The following INCENP variants were observed in gnomAD, a reference collection of about 807,000 sequenced individuals.
INCENP encodes binds and activates aurora-B and -C in vivo and in vitro.
In INCENP, 43 loss-of-function variants were observed where a neutral mutation model predicts 107.3. The observed-to-expected ratio is 0.40, with a 90% confidence interval of 0.31 to 0.52. The LOEUF (loss-of-function observed/expected upper bound fraction) is 0.52, where lower values mean the gene tolerates loss of function less well. INCENP is among the 20% of genes least tolerant of loss of function. INCENP has a pLI of 0.53. For missense variants in INCENP, 1,089 were observed against 1,250.9 expected (o/e 0.87, Z 1.95); for synonymous variants, 488 against 494.4 (o/e 0.99, Z 0.17).
intron 15 of INCENP, among the ~76,000 whole-genome samples, chr11:62,147,621 G>A (rs532905657): frequency 6.6e-6 from 1 of 152,310 alleles, no homozygotes; most frequent in South Asian, 2.1e-4. Context: ...CCCCGTAGCT[G>A]TTCCCTCTCC....
chr11:62,145,635 G>T lies in INCENP; in HGVS notation c.1843G>T (p.Glu615Ter). 1 of 1,594,228 alleles carries T rather than the reference G, an allele frequency of 6.3e-7. No homozygotes were observed. The highest frequency in any genetic ancestry group is 2.3e-5 in the East Asian group (1 of 43,942). The change falls in exon 14 of 19, where the codon GAG (glutamate) becomes TAG (stop). Residue 615 changes from glutamate to a stop codon, truncating the protein, a stop_gained. Coordinates refer to ENST00000394818, the MANE Select transcript of INCENP (RefSeq NM_001040694.2). LOFTEE classifies it high-confidence loss of function. Reference protein sequence around the residue: ...QIDEKTEKAKEERLAEEKAKK... With the variant: ...QIDEKTEKAK ...GTGTGGGTGGGCTCTGCAGGCCAAGGAGGAGCGGCTGGCAGAGGAGAAGGC... is the reference window on the plus strand; with the variant it reads ...GTGTGGGTGGGCTCTGCAGGCCAAGTAGGAGCGGCTGGCAGAGGAGAAGGC...
At chr11:62,141,693 C>A in intron 11 of INCENP, 182 bp downstream of exon 11, 1 of 786,496 alleles carries the variant, frequency 1.3e-6, no homozygotes, top group South Asian at 1.6e-5. Flanking sequence ...AGTTCTGGGC[C>A]CCAGCGTCCT....
In INCENP at chr11:62,138,950, A is replaced by G. The variant is rs1365863946; in HGVS notation, c.1236A>G (p.Thr412=). ...PHNDTEIANS[T]PNPKPAASSP... Reference sequence around the variant, plus strand: ...ATGACACGGAGATTGCCAACAGCACACCCAACCCGAAGCCTGCAGCCAGCA... The same window carrying G: ...ATGACACGGAGATTGCCAACAGCACGCCCAACCCGAAGCCTGCAGCCAGCA... The change falls in exon 7 of 19, where the codon ACA becomes ACG. Residue 412 remains threonine (T), a synonymous_variant. Coordinates refer to ENST00000394818, the MANE Select transcript of INCENP (RefSeq NM_001040694.2). The G allele has an allele frequency of 1.9e-6, 3 of 1,614,078 alleles. No individual in the cohort carries two copies. Among genetic ancestry groups the G allele is most frequent in the African/African-American group, 1.3e-5 (1 of 75,046 alleles).
Position 62,137,852 on chromosome 11 carries a change from C to T in INCENP, c.1084C>T (p.Leu362Phe). The change falls in exon 5 of 19, where the codon CTC (leucine) becomes TTC (phenylalanine). Residue 362 changes from leucine (L) to phenylalanine (F), a missense_variant. By Grantham distance (22) the Leu-to-Phe change is conservative. Coordinates refer to ENST00000394818, the MANE Select transcript of INCENP (RefSeq NM_001040694.2). The stretch of plus-strand genomic sequence containing the variant: ...CTCAGGTCACAGTTACCTGGAGAGG[C>T]TCCTGAATGTTGAGGTGCCCCAGAA... ...RIICHSYLER[L>F]LNVEVPQKVG... 6.2e-7 allele frequency: 1 copy of T among 1,614,170 alleles called. No homozygotes were observed. Among genetic ancestry groups the T allele is most frequent in the South Asian group, 1.1e-5 (1 of 91,090 alleles).
chr11:62,131,095 G>T (rs1488065958), intron 4 of INCENP, among the ~76,000 whole-genome samples: 2 of 152,192 alleles, frequency 1.3e-5, no homozygotes, highest in African/African-American at 2.4e-5. Flanking sequence ...ATCTGGAGGA[G>T]GGAATTATGG....
At chr11:62,133,783 A>T (rs1943937430) in intron 4 of INCENP, among the ~76,000 whole-genome samples, 1 of 152,146 alleles carries the variant, frequency 6.6e-6, no homozygotes, top group African/African-American at 2.4e-5. Flanking sequence ...ATCACCACCC[A>T]TGACTGTCAG....
chr11:62,147,655 G>A (rs1249936029), intron 15 of INCENP, among the ~76,000 whole-genome samples: 2 of 152,136 alleles, frequency 1.3e-5, no homozygotes, highest in Non-Finnish European at 2.9e-5. Context: ...GGGAAACACC[G>A]GGCAGCACGT....
intron 4 of INCENP, among the ~76,000 whole-genome samples, chr11:62,136,896 A>G (rs1221854404): frequency 6.6e-6 from 1 of 152,228 alleles, no homozygotes; most frequent in Non-Finnish European, 1.5e-5. Flanking sequence ...TTTTAGTATC[A>G]TAATTTTAGT....
At chr11:62,151,727 C>T (rs959100942) in intron 18 of INCENP, 35 bp from the exon 19 acceptor site, 1 of 1,578,824 alleles carries the variant, frequency 6.3e-7, no homozygotes, top group Non-Finnish European at 8.7e-7. Flanking sequence ...TCATGGAGAG[C>T]CCCAAGGCAG....
chr11:62,146,523 C>T (rs1405941916), intron 14 of INCENP, 135 bp from the exon 15 acceptor site: 13 of 1,337,336 alleles, frequency 9.7e-6, no homozygotes, highest in African/African-American at 1.5e-5. Flanking sequence ...CTCGGGATGT[C>T]CCACGGCGCC....
intron 18 of INCENP, 130 bp from the exon 19 acceptor site, chr11:62,151,632 G>A (rs1209454913): frequency 5.7e-6 from 4 of 696,366 alleles, no homozygotes; most frequent in East Asian, 5.4e-5. Flanking sequence ...ACAGGCAGGG[G>A]CAGGGCTGAA....
chr11:62,144,641 T>G, intron 11 of INCENP: 1 of 554,750 alleles, frequency 1.8e-6, no homozygotes. Flanking sequence ...AGCTCATCCT[T>G]CATTTTCTTT....
At position 62,145,160 on chromosome 11, in the gene INCENP, GC is replaced by G. The variant is rs1370649854; in HGVS notation, c.1716-5del. ...GTGGGGCTCCCCATGACTATCCTAT[GC>G]CCCGCAGGAAGCGTGAGGAACGCCT... On this transcript the variant is annotated splice_region_variant and splice_polypyrimidine_tract_variant and intron_variant, in intron 12 of 18. Coordinates refer to ENST00000394818, the MANE Select transcript of INCENP (RefSeq NM_001040694.2). The G allele has an allele frequency of 6.2e-7, 1 of 1,614,162 alleles. No individual in the cohort carries two copies.
rs1263607580 is a variant in INCENP, at chr11:62,141,018, A to C, written c.1567A>C (p.Asn523His). ...RSVMKSFIKR[N>H]TPLRMDPKCS... ...CGTCATGAAGTCCTTTATTAAGCGC[A>C]ACACTCCCCTGCGCATGGACCCCAA... The change falls in exon 10 of 19, where the codon AAC (asparagine) becomes CAC (histidine). Residue 523 changes from asparagine (N) to histidine (H), a missense_variant. Asn to His is a moderately conservative substitution (Grantham distance 68, BLOSUM62 1). Transcript: ENST00000394818. 3 of 1,613,886 alleles carry C rather than the reference A, an allele frequency of 1.9e-6. No homozygotes were observed. The highest frequency in any genetic ancestry group is 2.5e-6 in the Non-Finnish European group (3 of 1,179,984).
chr11:62,151,708 T>C (rs1392323456), intron 18 of INCENP, 54 bp from the exon 19 acceptor site: 1 of 1,475,972 alleles, frequency 6.8e-7, no homozygotes, highest in African/African-American at 1.4e-5. Flanking sequence ...GGGCAAGGGA[T>C]GGGGAGGTTC....
At chr11:62,136,641 A>G (rs1447718028) in intron 4 of INCENP, among the ~76,000 whole-genome samples, 1 of 152,200 alleles carries the variant, frequency 6.6e-6, no homozygotes, top group Non-Finnish European at 1.5e-5. Context: ...AGATTGCGCC[A>G]CTGCATTCAG....
chr11:62,141,104 A>C, intron 10 of INCENP, 60 bp downstream of exon 10: 1 of 1,564,998 alleles, frequency 6.4e-7, no homozygotes, highest in South Asian at 1.2e-5. Context: ...CTGAAGGTCC[A>C]GTCTGTCCTG....
rs549004647 is a variant in INCENP, at chr11:62,151,378, G to A, written c.2543-384G>A. On this transcript the variant is annotated intron_variant, in intron 18 of 18. Transcript: ENST00000394818. ...CAGCTGGCCAAGGTGGTCAAGGATG[G>A]CATCCTATGCTTAAGCTCTGGAACT... 3.7e-4 allele frequency among the ~76,000 whole-genome samples: 57 copies of A among 152,340 alleles called. 1 individual carries two copies. The South Asian group carries it at 4.8e-3, about 13-fold the overall frequency.
rs1252437802 is a variant in INCENP at position 62,145,014 on chromosome 11, G to T, written c.1638G>T (p.Arg546=). ...AGCGGCAGCGCCTGGAGAATCTGCG[G>T]CGGAAGGAGGAGGCCGAGCAGCTGC... is the stretch of plus-strand genomic sequence containing the variant. ...EKERQRLENL[R]RKEEAEQLRR... The change falls in exon 12 of 19, where the codon CGG becomes CGT. Residue 546 remains arginine, a synonymous_variant. Coordinates refer to ENST00000394818, the MANE Select transcript of INCENP (RefSeq NM_001040694.2). 2.5e-6 allele frequency: 4 copies of T among 1,606,030 alleles called. No individual in the cohort carries two copies. Among genetic ancestry groups the T allele is most frequent in the Admixed American group, 3.5e-5 (2 of 57,108 alleles).
Sources: gnomAD v4.1 joint callset for allele counts (sites outside exome capture counted in the v4.1 genomes callset) on GRCh38, gnomAD v4.1.1 for gene constraint, MANE v1.5 for transcripts, NCBI Gene and HGNC (gene_info 2026-07-23, HGNC 2026-07-21) for gene names.